Variants in IGF2BP3 observed in about 807,000 individuals in gnomAD.
IGF2BP3 encodes the protein insulin like growth factor 2 mRNA binding protein 3.
Under a neutral mutation model 73.8 loss-of-function variants are expected in IGF2BP3, and 9 were observed. The ratio of observed to expected loss-of-function variants is 0.12; its 90% CI spans 0.07 to 0.21. The LOEUF (loss-of-function observed/expected upper bound fraction) is 0.21. Among genes scored for constraint, IGF2BP3 ranks in the 10% least tolerant of loss-of-function variants. The probability of loss-of-function intolerance (pLI) is 1.00; values close to 1 mark genes in which losing one functional copy is unlikely to be tolerated. For missense variants in IGF2BP3, 542 were observed against 714.0 expected (o/e 0.76, Z 2.75); for synonymous variants, 258 against 256.7 (o/e 1.01, Z -0.05).
chr7:23,470,115 A>T lies in IGF2BP3; in HGVS notation c.-5T>A, dbSNP rs759881024. Reference sequence around the variant, plus strand: ...TCCGATATACAGTTTGTTCATTGTGAAGAGTGGTTGTTTAAAAAAAAATAA... The same window carrying T: ...TCCGATATACAGTTTGTTCATTGTGTAGAGTGGTTGTTTAAAAAAAAATAA... On this transcript the variant is annotated 5_prime_UTR_variant, in exon 1 of 15. Transcript: ENST00000258729. The T allele has an allele frequency of 5.6e-6, 9 of 1,593,072 alleles. No individual in the cohort carries two copies. The South Asian group carries it at 9.1e-5, about 16-fold the overall frequency.
chr7:23,323,286 C>T (rs929903927), intron 10 of IGF2BP3, among the ~76,000 whole-genome samples: 12 of 148,754 alleles, frequency 8.1e-5, no homozygotes, highest in African/African-American at 2.8e-4. Flanking sequence ...TCTGATAAAA[C>T]AGACTTTAAA....
rs184223763 is a variant in IGF2BP3 at position 23,386,460 on chromosome 7, A to C, written c.286-24719T>G. Among the ~76,000 whole-genome samples, 445 of 152,332 alleles carry C rather than the reference A, an allele frequency of 2.9e-3. 1 individual carries two copies. Among genetic ancestry groups the C allele is most frequent in the Non-Finnish European group, 5.6e-3 (382 of 68,030 alleles). On this transcript the variant is annotated intron_variant, in intron 3 of 14. Coordinates refer to ENST00000258729, the MANE Select transcript of IGF2BP3 (RefSeq NM_006547.3). Reference sequence around the variant, plus strand: ...AAAACCACCACACACAGAAACACACAATGATGGAGTGACCAAAGGGACACA... The same window carrying C: ...AAAACCACCACACACAGAAACACACCATGATGGAGTGACCAAAGGGACACA...
chr7:23,362,439 T>C (rs375168885), intron 3 of IGF2BP3: 14 of 152,284 alleles, frequency 9.2e-5, no homozygotes, highest in African/African-American at 3.1e-4. Flanking sequence ...CATAAATACA[T>C]AGACAGCAAA....
At chr7:23,346,104 C>G in intron 7 of IGF2BP3, 42 bp from the exon 8 acceptor site, 1 of 1,578,280 alleles carries the variant, frequency 6.3e-7, no homozygotes, top group South Asian at 1.2e-5. Flanking sequence ...ATAAGTAAAC[C>G]TATTCGTGGG....
In IGF2BP3 at chr7:23,351,457, C is replaced by G. The variant is rs756424235; in HGVS notation, c.531G>C (p.Arg177Ser). Residue 177 changes from arginine (R) to serine (S), a missense_variant, in exon 6 of 15, where the codon AGG (arginine) becomes AGC (serine). Around this residue, in one of 2 missense-constraint regions of IGF2BP3, gnomAD observed 239 missense variants for 241.9 expected, o/e 0.99. Transcript: ENST00000258729. ...CTGGAGACCCCTGCCTTGAGGAGCC[C>G]CTCTGCCCAAGCCCCCGGCGACCTC... ...QPRGRRGLGQ[R>S]GSSRQGSPGS... The G allele has an allele frequency of 6.2e-7, 1 of 1,613,788 alleles. No individual in the cohort carries two copies. Among genetic ancestry groups the G allele is most frequent in the Non-Finnish European group, 8.5e-7 (1 of 1,179,904 alleles).
chr7:23,355,232 T>G (rs563072158), intron 5 of IGF2BP3, among the ~76,000 whole-genome samples: 5 of 151,044 alleles, frequency 3.3e-5, no homozygotes, highest in Admixed American at 6.6e-5. Flanking sequence ...TTTATTTTTT[T>G]TTTTTTTGAG....
At chr7:23,452,004 T>TA (rs1260492574) in intron 2 of IGF2BP3, among the ~76,000 whole-genome samples, 1 of 151,200 alleles carries the variant, frequency 6.6e-6, no homozygotes, top group Non-Finnish European at 1.5e-5. Flanking sequence ...TTTTTTTTTT[T>TA]ATTTATTTTT....
chr7:23,393,139 C>T (rs1347491712), intron 3 of IGF2BP3, among the ~76,000 whole-genome samples: 1 of 152,114 alleles, frequency 6.6e-6, no homozygotes, highest in Non-Finnish European at 1.5e-5. Context: ...CTCAAGATGT[C>T]TTCTGCCCGC....
intron 10 of IGF2BP3, among the ~76,000 whole-genome samples, chr7:23,336,444 A>ATT (rs74274531): frequency 2.8e-5 from 4 of 143,306 alleles, no homozygotes; most frequent in Admixed American, 1.4e-4. Context: ...TTTCTAAACC[A>ATT]TTTTTTTTTT....
chr7:23,347,920 G>T, intron 6 of IGF2BP3, 186 bp from the exon 7 acceptor site: 1 of 568,106 alleles, frequency 1.8e-6, no homozygotes, highest in Non-Finnish European at 3.0e-6. Flanking sequence ...TTAATTCTAG[G>T]AACATTCCCC....
At chr7:23,371,383 G>A (rs1302989073) in intron 3 of IGF2BP3, among the ~76,000 whole-genome samples, 1 of 152,192 alleles carries the variant, frequency 6.6e-6, no homozygotes, top group African/African-American at 2.4e-5. Context: ...TCATGGGCAA[G>A]ATCATCTCAG....
At chr7:23,372,235 C>T (rs1323516673) in intron 3 of IGF2BP3, among the ~76,000 whole-genome samples, 3 of 152,026 alleles carry the variant, frequency 2.0e-5, no homozygotes, top group Non-Finnish European at 2.9e-5. Flanking sequence ...CCTCCACCCC[C>T]GGCTGATTTT....
In IGF2BP3 at chr7:23,322,256, G is replaced by A. The variant is rs545918974; in HGVS notation, c.1204-3002C>T. On this transcript the variant is annotated intron_variant, in intron 10 of 14. Coordinates refer to ENST00000258729, the MANE Select transcript of IGF2BP3 (RefSeq NM_006547.3). ...CTGATGGAGCTGAAAACCAAGGCTCGAGAACTACGTGAAGAATGCAGAAGC... is the reference window on the plus strand; with the variant it reads ...CTGATGGAGCTGAAAACCAAGGCTCAAGAACTACGTGAAGAATGCAGAAGC... Among the ~76,000 whole-genome samples the A allele has an allele frequency of 3.4e-3, 525 of 152,276 alleles. 1 individual carries two copies. Among genetic ancestry groups the A allele is most frequent in the African/African-American group, 0.011 (438 of 41,552 alleles).
intron 8 of IGF2BP3, among the ~76,000 whole-genome samples, chr7:23,345,012 T>C (rs201269015): frequency 1.2e-4 from 19 of 152,338 alleles, no homozygotes; most frequent in East Asian, 3.9e-4. Context: ...GTATTACTTA[T>C]TGAATTTACC....
At chr7:23,319,291 T>C (rs1424994308) in intron 10 of IGF2BP3, 37 bp from the exon 11 acceptor site, 2 of 1,372,458 alleles carry the variant, frequency 1.5e-6, no homozygotes, top group African/African-American at 2.9e-5. Flanking sequence ...CATGTTTATT[T>C]GCTACAAATC....
chr7:23,387,948 T>G (rs1328735659), intron 3 of IGF2BP3, among the ~76,000 whole-genome samples: 1 of 152,124 alleles, frequency 6.6e-6, no homozygotes, highest in Non-Finnish European at 1.5e-5. Context: ...TTTTTTTTCT[T>G]TTTTTTGAGA....
intron 3 of IGF2BP3, among the ~76,000 whole-genome samples, chr7:23,372,942 G>A (rs1269911766): frequency 6.6e-6 from 1 of 152,270 alleles, no homozygotes; most frequent in South Asian, 2.1e-4. Flanking sequence ...GATAAATGCT[G>A]GAGAAATGAT....
intron 9 of IGF2BP3, 69 bp from the exon 10 acceptor site, chr7:23,342,258 G>T: frequency 1.3e-6 from 2 of 1,543,718 alleles, no homozygotes; most frequent in African/African-American, 1.4e-5. Flanking sequence ...ATTTTTAAGT[G>T]ACAGTATTCA....
chr7:23,425,858 G>C (rs1787493310), intron 2 of IGF2BP3, among the ~76,000 whole-genome samples: 2 of 151,974 alleles, frequency 1.3e-5, no homozygotes. Flanking sequence ...CAGCTACTCG[G>C]GAGGCTGAGG....
Sources: allele counts gnomAD v4.1 joint callset (sites outside exome capture counted in the v4.1 genomes callset), GRCh38; gene constraint gnomAD v4.1.1; regional missense constraint gnomAD v4.1.1; transcripts MANE v1.5; gene names NCBI Gene and HGNC (gene_info 2026-07-23, HGNC 2026-07-21).